The following PPP3CA variants were observed in gnomAD, a reference collection of about 807,000 sequenced individuals.
PPP3CA encodes CAM-PRP catalytic subunit.
A neutral mutation model predicts 66.5 loss-of-function variants in PPP3CA; 14 were observed. The ratio of observed to expected loss-of-function variants is 0.21; its 90% CI spans 0.14 to 0.33. The LOEUF (loss-of-function observed/expected upper bound fraction) is 0.33, where lower values mean the gene tolerates loss of function less well. Ranked by LOEUF, PPP3CA falls within the 10% of genes least tolerant of loss-of-function variation. The pLI, the probability that PPP3CA is intolerant of heterozygous loss-of-function variation, is 1.00. For synonymous variants in PPP3CA, 232 were observed against 226.2 expected (o/e 1.03, Z -0.23); for missense variants, 317 against 639.5 (o/e 0.50, Z 5.44).
chr4:101,283,162 G>A (rs1010369200), intron 1 of PPP3CA, among the ~76,000 whole-genome samples: 3 of 152,122 alleles, frequency 2.0e-5, no homozygotes, highest in African/African-American at 7.2e-5. Context: ...AAAATTTACG[G>A]GAAAGCGTCA....
At chr4:101,159,729 C>T (rs1723440631) in intron 2 of PPP3CA, among the ~76,000 whole-genome samples, 1 of 152,096 alleles carries the variant, frequency 6.6e-6, no homozygotes, top group Non-Finnish European at 1.5e-5. Flanking sequence ...TAAAAATTCA[C>T]AGAATATAGT....
At chr4:101,290,732 G>A (rs979938726) in intron 1 of PPP3CA, among the ~76,000 whole-genome samples, 1 of 152,136 alleles carries the variant, frequency 6.6e-6, no homozygotes, top group African/African-American at 2.4e-5. Context: ...AGGAACACAG[G>A]GAGTGCCAGA....
intron 2 of PPP3CA, among the ~76,000 whole-genome samples, chr4:101,183,277 A>T (rs944155321): frequency 1.3e-5 from 2 of 152,124 alleles, no homozygotes; most frequent in Non-Finnish European, 2.9e-5. Context: ...CCATCCTAAG[A>T]GTATTGGCAA....
chr4:101,344,915 TC>T lies in PPP3CA; in HGVS notation c.58+1823del, dbSNP rs1729931345. On this transcript the variant is annotated intron_variant, in intron 1 of 13. Coordinates refer to ENST00000394854, the MANE Select transcript of PPP3CA (RefSeq NM_000944.5). ...GATCTTAACCTAGATTGGAGCTACA[TC>T]TAAACTTCACACATTAAGGAGATAA... Among the ~76,000 whole-genome samples the T allele has an allele frequency of 1.2e-4, 19 of 152,320 alleles. No individual in the cohort carries two copies. The South Asian group carries it at 3.9e-3, about 32-fold the overall frequency.
chr4:101,216,462 T>C (rs1725457238), intron 1 of PPP3CA, among the ~76,000 whole-genome samples: 1 of 152,166 alleles, frequency 6.6e-6, no homozygotes, highest in Non-Finnish European at 1.5e-5. Context: ...TCCAAAAACA[T>C]GTGAGTCCTT....
At chr4:101,103,118 T>C (rs1730521176) in intron 3 of PPP3CA, among the ~76,000 whole-genome samples, 1 of 152,208 alleles carries the variant, frequency 6.6e-6, no homozygotes, top group Admixed American at 6.5e-5. Flanking sequence ...ATTGGTTCAC[T>C]GATAATAATA....
chr4:101,143,368 C>T (rs1362157368), intron 2 of PPP3CA, among the ~76,000 whole-genome samples: 1 of 152,154 alleles, frequency 6.6e-6, no homozygotes, highest in East Asian at 1.9e-4. Context: ...ACTTGAATGT[C>T]TTCCATGGTC....
chr4:101,102,366 A>G (rs1730485421), intron 3 of PPP3CA, among the ~76,000 whole-genome samples: 3 of 151,950 alleles, frequency 2.0e-5, no homozygotes, highest in Non-Finnish European at 1.5e-5. Flanking sequence ...GAGAGAGAAT[A>G]TAACTCAATT....
intron 1 of PPP3CA, among the ~76,000 whole-genome samples, chr4:101,342,352 G>A (rs1729843786): frequency 6.6e-6 from 1 of 152,066 alleles, no homozygotes; most frequent in Non-Finnish European, 1.5e-5. Flanking sequence ...AGTCTCAATT[G>A]TTGCATTAAT....
At chr4:101,324,197 G>T (rs1413870203) in intron 1 of PPP3CA, among the ~76,000 whole-genome samples, 1 of 142,536 alleles carries the variant, frequency 7.0e-6, no homozygotes. Flanking sequence ...AGGAAGGAAG[G>T]AAGGAAGGAA....
intron 1 of PPP3CA, among the ~76,000 whole-genome samples, chr4:101,343,167 A>G (rs1729870903): frequency 6.6e-6 from 1 of 152,140 alleles, no homozygotes; most frequent in African/African-American, 2.4e-5. Context: ...TACCATTACC[A>G]TCGGTTTGAG....
chr4:101,186,165 T>A (rs1031180935), intron 2 of PPP3CA, among the ~76,000 whole-genome samples: 11 of 152,074 alleles, frequency 7.2e-5, no homozygotes, highest in Admixed American at 2.6e-4. Flanking sequence ...TACTAAGAAA[T>A]TGTTATAAAG....
chr4:101,142,638 G>A (rs776259590), intron 2 of PPP3CA, among the ~76,000 whole-genome samples: 4 of 152,078 alleles, frequency 2.6e-5, no homozygotes, highest in Non-Finnish European at 4.4e-5. Flanking sequence ...TCAGGCTCAA[G>A]CGATCCTCCC....
chr4:101,288,428 GAATT>G (rs1274402067), intron 1 of PPP3CA, among the ~76,000 whole-genome samples: 3 of 151,720 alleles, frequency 2.0e-5, no homozygotes, highest in Non-Finnish European at 4.4e-5. Flanking sequence ...TACTAATGTG[GAATT>G]AATTAATTAC....
At chr4:101,280,762 G>C (rs1314916087) in intron 1 of PPP3CA, among the ~76,000 whole-genome samples, 1 of 149,894 alleles carries the variant, frequency 6.7e-6, no homozygotes, top group Non-Finnish European at 1.5e-5. Context: ...AGAGGCTGCA[G>C]TGAGCTGAGA....
chr4:101,269,787 A>G (rs952463828), intron 1 of PPP3CA, among the ~76,000 whole-genome samples: 2 of 152,162 alleles, frequency 1.3e-5, no homozygotes, highest in Non-Finnish European at 2.9e-5. Context: ...GACAACATAT[A>G]AGTATTTGTA....
chr4:101,313,024 T>C (rs909455235), intron 1 of PPP3CA, among the ~76,000 whole-genome samples: 2 of 152,176 alleles, frequency 1.3e-5, no homozygotes, highest in African/African-American at 4.8e-5. Context: ...CCTTCCCTTC[T>C]TCCAAGTTAA....
At chr4:101,322,422 T>G (rs892847693) in intron 1 of PPP3CA, among the ~76,000 whole-genome samples, 29 of 151,596 alleles carry the variant, frequency 1.9e-4, no homozygotes, top group Admixed American at 1.6e-3. Context: ...TTTTTTTTTT[T>G]TTTTTGAGAC....
chr4:101,128,150 C>G (rs994378368), intron 2 of PPP3CA, among the ~76,000 whole-genome samples: 1 of 152,104 alleles, frequency 6.6e-6, no homozygotes, highest in South Asian at 2.1e-4. Context: ...GCCCTGAGAG[C>G]TAACATAAAA....
Sources: allele counts gnomAD v4.1 joint callset (sites outside exome capture counted in the v4.1 genomes callset), GRCh38; gene constraint gnomAD v4.1.1; transcripts MANE v1.5; gene names NCBI Gene and HGNC (gene_info 2026-07-23, HGNC 2026-07-21).